The following FER1L6 variants were observed in gnomAD, a reference collection of about 807,000 sequenced individuals.
FER1L6 encodes the protein fer-1 like family member 6, also known as fer-1-like protein 6.
FER1L6 carries 177 observed loss-of-function variants against 219.2 expected under a neutral mutation model. The ratio of observed to expected loss-of-function variants is 0.81; its 90% CI spans 0.71 to 0.91. The LOEUF (loss-of-function observed/expected upper bound fraction) is 0.91, where lower values mean the gene tolerates loss of function less well. Among genes scored for constraint, FER1L6 ranks in the 40% least tolerant of loss-of-function variants. The probability of loss-of-function intolerance (pLI) is 0.00; values close to 1 mark genes in which losing one functional copy is unlikely to be tolerated. For missense variants in FER1L6, 2,153 were observed against 2,259.9 expected (o/e 0.95, Z 0.96); for synonymous variants, 768 against 824.3 (o/e 0.93, Z 1.17).
chr8:123,944,904 T>C (rs1477634003), intron 1 of FER1L6, among the ~76,000 whole-genome samples: 2 of 152,222 alleles, frequency 1.3e-5, no homozygotes, highest in African/African-American at 4.8e-5. Flanking sequence ...CTCCTTGTTT[T>C]ACATATGTGA....
intron 39 of FER1L6, among the ~76,000 whole-genome samples, chr8:124,106,999 A>T (rs1294232953): frequency 7.2e-6 from 1 of 139,312 alleles, no homozygotes; most frequent in Non-Finnish European, 1.5e-5. Flanking sequence ...CCCAGGCTGG[A>T]GTGCAGTGGT....
chr8:123,975,068 AG>A, intron 7 of FER1L6, 81 bp from the exon 8 acceptor site: 1 of 1,284,886 alleles, frequency 7.8e-7, no homozygotes, highest in South Asian at 1.9e-5. Flanking sequence ...AGAGCCTGGG[AG>A]GCCTTGGCGT....
chr8:123,963,188 G>C, intron 2 of FER1L6, 90 bp from the exon 3 acceptor site: 1 of 1,542,458 alleles, frequency 6.5e-7, no homozygotes, highest in East Asian at 2.3e-5. Context: ...ACCACTTATG[G>C]TGCCTGCCAC....
intron 33 of FER1L6, among the ~76,000 whole-genome samples, chr8:124,090,638 C>T (rs1586322548): frequency 6.6e-6 from 1 of 152,158 alleles, no homozygotes; most frequent in Non-Finnish European, 1.5e-5. Flanking sequence ...TTCTGATGAA[C>T]TCAGTGTCCC....
intron 3 of FER1L6, among the ~76,000 whole-genome samples, chr8:123,964,497 GA>G (rs1178700189): frequency 6.6e-6 from 1 of 152,138 alleles, no homozygotes; most frequent in African/African-American, 2.4e-5. Context: ...CTCAAAAGAA[GA>G]CATGAAATGT....
rs1043310621 is a variant in FER1L6 at position 124,017,627 on chromosome 8, G to C, written c.1923-1G>C. 1 of 1,607,434 alleles carries C rather than the reference G, an allele frequency of 6.2e-7. No homozygotes were observed. Among genetic ancestry groups the C allele is most frequent in the Non-Finnish European group, 8.5e-7 (1 of 1,175,282 alleles). On this transcript the variant is annotated splice_acceptor_variant, in intron 15 of 40. Transcript: ENST00000522917. LOFTEE classifies it high-confidence loss of function. Reference sequence around the variant, plus strand: ...TCAAAATTGTTATTCTTTTCTTATAGTGCCTTTATCTCTGAAGCAGAAAAA... The same window carrying C: ...TCAAAATTGTTATTCTTTTCTTATACTGCCTTTATCTCTGAAGCAGAAAAA...
chr8:123,994,370 G>T (rs538189956), intron 12 of FER1L6, among the ~76,000 whole-genome samples: 1 of 152,304 alleles, frequency 6.6e-6, no homozygotes, highest in South Asian at 2.1e-4. Context: ...TAGGGAAACA[G>T]TTCTCTGACC....
intron 1 of FER1L6, among the ~76,000 whole-genome samples, chr8:123,905,535 C>G (rs13277597): frequency 0.26 from 39,996 of 152,056 alleles, 5,577 homozygotes; most frequent in East Asian, 0.46. Flanking sequence ...GTCTCAGCCC[C>G]ACTTTTTGTA....
At chr8:123,922,316 C>A (rs1813387902) in intron 1 of FER1L6, among the ~76,000 whole-genome samples, 1 of 152,198 alleles carries the variant, frequency 6.6e-6, no homozygotes, top group Non-Finnish European at 1.5e-5. Flanking sequence ...CAGAAGGTAA[C>A]ATCTGTGGCT....
At chr8:124,013,165 A>ATTAAT (rs1818020524) in intron 14 of FER1L6, among the ~76,000 whole-genome samples, 1 of 152,228 alleles carries the variant, frequency 6.6e-6, no homozygotes, top group African/African-American at 2.4e-5. Context: ...GGTACCCATT[A>ATTAAT]GGGAATGGAT....
chr8:123,998,743 C>A (rs919541940), intron 12 of FER1L6, among the ~76,000 whole-genome samples: 1 of 152,168 alleles, frequency 6.6e-6, no homozygotes, highest in African/African-American at 2.4e-5. Context: ...GTTTTCTATT[C>A]TACTGCGGCT....
intron 19 of FER1L6, among the ~76,000 whole-genome samples, chr8:124,037,756 C>T (rs1001264778): frequency 3.9e-5 from 6 of 152,132 alleles, no homozygotes; most frequent in African/African-American, 1.4e-4. Flanking sequence ...TCAAGACAAT[C>T]AAGTAAGGAG....
chr8:123,922,571 A>G (rs1813402110), intron 1 of FER1L6, among the ~76,000 whole-genome samples: 1 of 152,100 alleles, frequency 6.6e-6, no homozygotes, highest in Non-Finnish European at 1.5e-5. Context: ...AGAGACCATT[A>G]GCGAGAGAAG....
chr8:123,999,187 A>G (rs866622656), intron 12 of FER1L6, among the ~76,000 whole-genome samples: 1 of 152,082 alleles, frequency 6.6e-6, no homozygotes, highest in Admixed American at 6.5e-5. Context: ...TGAAGCCAGC[A>G]TGGTGCTGAG....
chr8:124,099,063 C>T (rs1490619572), intron 37 of FER1L6, among the ~76,000 whole-genome samples: 1 of 152,150 alleles, frequency 6.6e-6, no homozygotes, highest in African/African-American at 2.4e-5. Flanking sequence ...TTCTCTTATC[C>T]TCTTGATCAC....
At position 123,877,664 on chromosome 8, in the gene FER1L6, G is replaced by A. The variant is rs142064750; in HGVS notation, c.-8+25479G>A. ...TCTACGTCTCTCAAGACTTGGATTAGCATTTTTCCAAGATTTCTCCATAAC... is the reference window on the plus strand; with the variant it reads ...TCTACGTCTCTCAAGACTTGGATTAACATTTTTCCAAGATTTCTCCATAAC... On this transcript the variant is annotated intron_variant, in intron 1 of 40. Transcript: ENST00000522917. 1.9e-4 allele frequency among the ~76,000 whole-genome samples: 29 copies of A among 151,672 alleles called. No homozygotes were observed. In the East Asian group the frequency reaches 5.7e-3, roughly 30 times the overall value.
intron 39 of FER1L6, among the ~76,000 whole-genome samples, chr8:124,110,809 A>G (rs975968974): frequency 6.6e-6 from 1 of 152,210 alleles, no homozygotes; most frequent in Non-Finnish European, 1.5e-5. Flanking sequence ...CCAAAGGAAA[A>G]GCAAACTTCT....
At chr8:123,872,375 C>T (rs1388246026) in intron 1 of FER1L6, among the ~76,000 whole-genome samples, 1 of 152,100 alleles carries the variant, frequency 6.6e-6, no homozygotes, top group Non-Finnish European at 1.5e-5. Flanking sequence ...ACTTCTACAA[C>T]ACACCTGATC....
intron 1 of FER1L6, among the ~76,000 whole-genome samples, chr8:123,930,861 A>T (rs1364134832): frequency 1.3e-5 from 2 of 152,116 alleles, no homozygotes. Flanking sequence ...ATGACTTGGG[A>T]TGGAGATCAC....
Sources: allele counts gnomAD v4.1 joint callset (sites outside exome capture counted in the v4.1 genomes callset), GRCh38; gene constraint gnomAD v4.1.1; transcripts MANE v1.5; gene names NCBI Gene and HGNC (gene_info 2026-07-23, HGNC 2026-07-21).